Variants in VWA2 observed in about 807,000 individuals in gnomAD.
The protein encoded by VWA2 is von Willebrand factor A domain containing 2.
VWA2 carries 73 observed loss-of-function variants against 70.4 expected under a neutral mutation model. That is an observed-to-expected ratio of 1.04 (90% CI 0.86 to 1.26). The LOEUF is 1.26. Among genes scored for constraint, VWA2 ranks in the 50% most tolerant of loss-of-function variants. The pLI, the probability that VWA2 is intolerant of heterozygous loss-of-function variation, is 0.00. For synonymous variants in VWA2, 407 were observed against 423.3 expected, an observed-to-expected ratio of 0.96 and a Z score of 0.47; for missense variants, 1,011 against 998.5, an observed-to-expected ratio of 1.01 and a Z score of -0.17.
chr10:114,247,589 G>A (rs1249501370), intron 1 of VWA2, among the ~76,000 whole-genome samples: 3 of 151,932 alleles, frequency 2.0e-5, no homozygotes, highest in Non-Finnish European at 4.4e-5. Context: ...AAGAGCCACC[G>A]CGAAGGGCTT....
chr10:114,255,045 G>A lies in VWA2; in HGVS notation c.258G>A (p.Glu86=), dbSNP rs370895558. 1 of 1,611,836 alleles carries A rather than the reference G, an allele frequency of 6.2e-7. No individual in the cohort carries two copies. The highest frequency in any genetic ancestry group is 8.5e-7 in the Non-Finnish European group (1 of 1,179,864). Residue 86 remains glutamate (E), a synonymous_variant, in exon 4 of 14, where the codon GAG becomes GAA. Transcript: ENST00000392982. ...TVCDGLDISP[E]RVRVGAFQFS... ...GTGACGGTCTGGACATCAGCCCCGA[G>A]AGGGTGAGTGCAAGTCTTGTGGGTG...
In VWA2 at chr10:114,289,000, G is replaced by A. The variant is rs190448182; in HGVS notation, c.1633G>A (p.Glu545Lys). 14 of 1,614,162 alleles carry A rather than the reference G, an allele frequency of 8.7e-6. No individual in the cohort carries two copies. Among genetic ancestry groups the A allele is most frequent in the African/African-American group, 4.0e-5 (3 of 75,056 alleles). The change falls in exon 12 of 14, where the codon GAG becomes AAG. Residue 545 changes from glutamate to lysine, a missense_variant. Physicochemically the swap from Glu to Lys is moderately conservative, Grantham distance 56. Coordinates refer to ENST00000392982, the MANE Select transcript of VWA2 (RefSeq NM_001272046.2). The stretch of plus-strand genomic sequence containing the variant: ...GGACACCTCTGCCTCAGTAGGGCCC[G>A]AGAATTTTGCTCAGATGCAGAGCTT... The part of the protein sequence containing the change: ...MLDTSASVGP[E>K]NFAQMQSFVR...
chr10:114,280,504 G>A (rs936454099), intron 8 of VWA2, among the ~76,000 whole-genome samples: 36 of 152,166 alleles, frequency 2.4e-4, no homozygotes, highest in Non-Finnish European at 8.8e-5. Context: ...CAGAGCATGT[G>A]GCATTTGTGT....
chr10:114,264,249 C>A (rs544264679), intron 5 of VWA2, among the ~76,000 whole-genome samples: 1 of 152,284 alleles, frequency 6.6e-6, no homozygotes, highest in East Asian at 1.9e-4. Context: ...CACAAAATAT[C>A]CAACTAATGC....
chr10:114,277,786 G>T (rs1278314005), intron 6 of VWA2, 128 bp from the exon 7 acceptor site: 16 of 1,231,442 alleles, frequency 1.3e-5, no homozygotes, highest in African/African-American at 3.1e-5. Context: ...TTCCTCACCA[G>T]CTATGGGTCT....
intron 6 of VWA2, 86 bp from the exon 7 acceptor site, chr10:114,277,828 T>A: frequency 1.4e-6 from 2 of 1,481,138 alleles, no homozygotes; most frequent in South Asian, 2.8e-5. Context: ...TGTGCTGCCA[T>A]CCACAAGGAA....
At position 114,263,493 on chromosome 10, in the gene VWA2, C is replaced by T. The variant is rs554047734; in HGVS notation, c.371+2198C>T. Among the ~76,000 whole-genome samples the T allele has an allele frequency of 8.1e-3, 1,224 of 152,048 alleles. 20 individuals carry two copies. The highest frequency in any genetic ancestry group is 0.027 in the African/African-American group (1,124 of 41,432). ...CTGGGACTACAGGAGCCCGCCACCA[C>T]GCCTGGCTAATTTTTTGTATTTTTT... is the stretch of plus-strand genomic sequence containing the variant. On this transcript the variant is annotated intron_variant, in intron 5 of 13. Coordinates refer to ENST00000392982, the MANE Select transcript of VWA2 (RefSeq NM_001272046.2).
chr10:114,269,167 G>A (rs1216037869), intron 5 of VWA2, among the ~76,000 whole-genome samples: 3 of 152,214 alleles, frequency 2.0e-5, no homozygotes, highest in African/African-American at 4.8e-5. Flanking sequence ...GCTGAGCAAC[G>A]TGAAGGGTAA....
rs767376124 is a variant in VWA2, at chr10:114,286,500, G to T, written c.1559G>T (p.Arg520Leu). 5 of 1,571,144 alleles carry T rather than the reference G, an allele frequency of 3.2e-6. No homozygotes were observed. Among genetic ancestry groups the T allele is most frequent in the Non-Finnish European group, 3.5e-6 (4 of 1,155,130 alleles). The change falls in exon 11 of 14, where the codon CGG (arginine) becomes CTG (leucine). Residue 520 changes from arginine to leucine, a missense_variant. Physicochemically the swap from Arg to Leu is moderately radical, Grantham distance 102. Coordinates refer to ENST00000392982, the MANE Select transcript of VWA2 (RefSeq NM_001272046.2). ...GAGCTGCAGGGGAAGCTGTGCAGCC[G>T]GCAGCGGCCAGGTAAGGTCCCAGTG... ...IPELQGKLCSRQRPGCRTQAL... is the reference protein window; with the variant it reads ...IPELQGKLCSLQRPGCRTQAL...
intron 6 of VWA2, 59 bp from the exon 7 acceptor site, chr10:114,277,855 T>C: frequency 6.5e-7 from 1 of 1,538,480 alleles, no homozygotes; most frequent in East Asian, 2.3e-5. Context: ...GCCTAGAAGA[T>C]GAGGGGGCAG....
intron 2 of VWA2, among the ~76,000 whole-genome samples, chr10:114,251,859 T>TCGCC (rs993470563): frequency 6.2e-5 from 9 of 145,140 alleles, no homozygotes; most frequent in African/African-American, 2.3e-4. Context: ...AGTCTCCCTC[T>TCGCC]CGCCCAGGCT....
rs368412167 is a variant in VWA2, at chr10:114,293,645, CAG to C, written c.*2410_*2411del. Among the ~76,000 whole-genome samples, 85 of 152,256 alleles carry C rather than the reference CAG, an allele frequency of 5.6e-4. No homozygotes were observed. Among genetic ancestry groups the C allele is most frequent in the Middle Eastern group, 3.4e-3 (1 of 294 alleles). On this transcript the variant is annotated 3_prime_UTR_variant, in exon 14 of 14. Coordinates refer to ENST00000392982, the MANE Select transcript of VWA2 (RefSeq NM_001272046.2). ...CCTTTAATTACTTATTCAAATAAGA[CAG>C]AAATATATTTTCCTTGCAATAATTA...
chr10:114,291,386 A>G lies in VWA2; in HGVS notation c.*149A>G, dbSNP rs1031505954. On this transcript the variant is annotated 3_prime_UTR_variant, in exon 14 of 14. Transcript: ENST00000392982. ...GCTTCCCGCCGTGGCCAGGACCACT[A>G]TTCTCACTGAGGGAGGAGGATGTCC... 5 of 900,046 alleles carry G rather than the reference A, an allele frequency of 5.6e-6. No homozygotes were observed. The highest frequency in any genetic ancestry group is 8.1e-6 in the Non-Finnish European group (5 of 615,604). The allele number at this position is 900,046 out of a possible 1,614,324, so 55.8% of individuals were successfully genotyped here. A position where few individuals can be genotyped will look rare whatever the true frequency, so the allele number is the denominator to read the frequency against.
In VWA2 at chr10:114,292,032, C is replaced by T. The variant is rs761981391; in HGVS notation, c.*795C>T. On this transcript the variant is annotated 3_prime_UTR_variant, in exon 14 of 14. Coordinates refer to ENST00000392982, the MANE Select transcript of VWA2 (RefSeq NM_001272046.2). ...GTGGCTCATGCCTGTAATCCCAGCA[C>T]TTTGGAGGCTGAGGCAGGTGGATCA... Among the ~76,000 whole-genome samples, 4 of 152,146 alleles carry T rather than the reference C, an allele frequency of 2.6e-5. No individual in the cohort carries two copies. Among genetic ancestry groups the T allele is most frequent in the Admixed American group, 6.5e-5 (1 of 15,270 alleles).
intron 4 of VWA2, among the ~76,000 whole-genome samples, chr10:114,257,367 A>C (rs1369717713): frequency 3.3e-5 from 5 of 152,200 alleles, no homozygotes; most frequent in Admixed American, 3.3e-4. Flanking sequence ...TAAAGAGAAG[A>C]AGCATGAAGA....
chr10:114,288,196 C>A (rs1174623618), intron 11 of VWA2, among the ~76,000 whole-genome samples: 2 of 152,236 alleles, frequency 1.3e-5, no homozygotes, highest in African/African-American at 4.8e-5. Context: ...TCTTTCAGTT[C>A]TTAGGTGAAA....
chr10:114,268,307 C>G (rs1564723168), intron 5 of VWA2, among the ~76,000 whole-genome samples: 1 of 141,032 alleles, frequency 7.1e-6, no homozygotes. Context: ...ATCTGTGAAC[C>G]TTCAACTTGC....
intron 1 of VWA2, among the ~76,000 whole-genome samples, chr10:114,241,545 CAG>C (rs1047653247): frequency 2.6e-5 from 4 of 152,254 alleles, no homozygotes; most frequent in African/African-American, 7.2e-5. Flanking sequence ...ATCATAAAAA[CAG>C]AATAGTTATT....
intron 8 of VWA2, 138 bp downstream of exon 8, chr10:114,278,989 C>A: frequency 7.4e-7 from 1 of 1,344,066 alleles, no homozygotes; most frequent in Non-Finnish European, 1.0e-6. Flanking sequence ...GAGCCAGGGA[C>A]GTAGCCATGG....
Sources: gnomAD v4.1 joint callset for allele counts (sites outside exome capture counted in the v4.1 genomes callset) on GRCh38, gnomAD v4.1.1 for gene constraint, MANE v1.5 for transcripts, NCBI Gene and HGNC (gene_info 2026-07-23, HGNC 2026-07-21) for gene names.